The following RPGR variants were observed in gnomAD, a reference collection of about 807,000 sequenced individuals.
RPGR encodes the protein X-linked retinitis pigmentosa GTPase regulator.
RPGR carries 10 observed loss-of-function variants against 56.3 expected under a neutral mutation model. That is an observed-to-expected ratio of 0.18 (90% CI 0.11 to 0.30). RPGR has a LOEUF of 0.30. Ranked by LOEUF, RPGR falls within the 10% of genes least tolerant of loss-of-function variation. The probability of loss-of-function intolerance (pLI) is 1.00; values close to 1 mark genes in which losing one functional copy is unlikely to be tolerated. For missense variants in RPGR, 538 were observed against 590.9 expected, an observed-to-expected ratio of 0.91 and a Z score of 0.93; for synonymous variants, 197 against 212.9, an observed-to-expected ratio of 0.93 and a Z score of 0.65.
intron 6 of RPGR, among the ~76,000 whole-genome samples, chrX:38,316,299 A>AG (rs34282277): frequency 0.2 from 22,376 of 110,448 alleles, 1,777 homozygotes; most frequent in African/African-American, 0.27. Flanking sequence ...AATTAAAAAA[A>AG]GGCATAAAAA....
chrX:38,304,496 G>A (rs888978146), intron 8 of RPGR, 139 bp downstream of exon 8: 3 of 482,492 alleles, frequency 6.2e-6, no homozygotes, highest in Non-Finnish European at 1.1e-5. Flanking sequence ...TTATACTTTG[G>A]AATAGTAAAC....
chrX:38,288,609 G>C (rs1330025480), intron 13 of RPGR, among the ~76,000 whole-genome samples: 5 of 110,965 alleles, frequency 4.5e-5, no homozygotes, highest in African/African-American at 1.6e-4. Context: ...GGAGGCTGAG[G>C]CAGGAGAATT....
In RPGR at chrX:38,275,028, T is replaced by C. The variant is rs1476462680; in HGVS notation, c.2149+61A>G. ...TATAATTACCCAATTATGGCATACA[T>C]ACACATATATATGTGTGTATGTATG... On this transcript the variant is annotated intron_variant, in intron 17 of 18. Coordinates refer to ENST00000642395, the MANE Select transcript of RPGR (RefSeq NM_000328.3). 2.9e-5 allele frequency: 27 copies of C among 923,983 alleles called. No individual in the cohort carries two copies. In the East Asian group the frequency reaches 6.8e-4, roughly 23 times the overall value. 76.1% of individuals were successfully genotyped at this position (923,983 alleles called of 1,213,427 possible).
intron 18 of RPGR, among the ~76,000 whole-genome samples, chrX:38,270,944 A>C (rs1253076005): frequency 8.9e-6 from 1 of 111,989 alleles, no homozygotes; most frequent in Non-Finnish European, 1.9e-5. Flanking sequence ...AGAGAAAAAT[A>C]CATCAAGAAG....
intron 16 of RPGR, among the ~76,000 whole-genome samples, chrX:38,275,634 A>G (rs2066920735): frequency 8.9e-6 from 1 of 111,952 alleles, no homozygotes; most frequent in South Asian, 3.7e-4. Flanking sequence ...AATGACCTTT[A>G]CCACAATACC....
intron 1 of RPGR, among the ~76,000 whole-genome samples, chrX:38,324,514 G>A (rs1188254100): frequency 2.7e-5 from 3 of 109,781 alleles, no homozygotes; most frequent in African/African-American, 1.0e-4. Context: ...TCGAACTAAG[G>A]GAAAGCAGCT....
chrX:38,310,885 T>C (rs1252797986), intron 6 of RPGR, 112 bp from the exon 7 acceptor site: 3 of 615,308 alleles, frequency 4.9e-6, no homozygotes, highest in Non-Finnish European at 7.9e-6. Context: ...TGACCTTTCT[T>C]GAGATATTTT....
chrX:38,308,608 T>C (rs913230180), intron 7 of RPGR, among the ~76,000 whole-genome samples: 1 of 111,885 alleles, frequency 8.9e-6, no homozygotes, highest in Non-Finnish European at 1.9e-5. Context: ...AGAGAAAATA[T>C]ATAACACATA....
At chrX:38,323,350 T>C (rs768508868) in intron 2 of RPGR, 49 bp downstream of exon 2, 4 of 1,092,634 alleles carry the variant, frequency 3.7e-6, no homozygotes, top group South Asian at 3.9e-5. Context: ...AACAAAATAT[T>C]TAGAATTTTC....
At chrX:38,307,124 A>G (rs2067619813) in intron 7 of RPGR, among the ~76,000 whole-genome samples, 1 of 112,335 alleles carries the variant, frequency 8.9e-6, no homozygotes, top group African/African-American at 3.2e-5. Flanking sequence ...AGAAGTTAAG[A>G]TAAATTCTCA....
At chrX:38,271,334 G>T (rs989796481) in intron 18 of RPGR, among the ~76,000 whole-genome samples, 1 of 111,758 alleles carries the variant, frequency 8.9e-6, no homozygotes, top group Non-Finnish European at 1.9e-5. Flanking sequence ...AAAATACCAA[G>T]AAATGCTGAT....
chrX:38,320,640 A>AAC lies in RPGR; in HGVS notation c.310+385_310+386dup, dbSNP rs72350829. 9.8e-4 allele frequency among the ~76,000 whole-genome samples: 107 copies of AAC among 108,943 alleles called. 2 individuals are homozygous for AAC. The Middle Eastern group carries it at 0.014, about 14-fold the overall frequency. The allele number at this position is 108,943 out of a possible 115,157, so 94.6% of individuals were successfully genotyped here. A position where few individuals can be genotyped will look rare whatever the true frequency, so the allele number is the denominator to read the frequency against. ...CAGAAGCACTTTGTTAATTTCTACA[A>AAC]ACACACACACACACACACAAAAGCT... On this transcript the variant is annotated intron_variant, in intron 4 of 18. Coordinates refer to ENST00000642395, the MANE Select transcript of RPGR (RefSeq NM_000328.3).
At chrX:38,295,030 T>A (rs2067350517) in intron 11 of RPGR, among the ~76,000 whole-genome samples, 1 of 112,173 alleles carries the variant, frequency 8.9e-6, no homozygotes, top group Non-Finnish European at 1.9e-5. Flanking sequence ...TAAAATCTTT[T>A]AATGACTTTC....
At chrX:38,317,011 G>A (rs1056645443) in intron 6 of RPGR, among the ~76,000 whole-genome samples, 1 of 111,129 alleles carries the variant, frequency 9.0e-6, no homozygotes, top group African/African-American at 3.3e-5. Context: ...GACAGAAAAG[G>A]TTGCCAGTGG....
At chrX:38,283,206 C>T (rs747119319) in intron 15 of RPGR, among the ~76,000 whole-genome samples, 13 of 111,458 alleles carry the variant, frequency 1.2e-4, no homozygotes, top group Non-Finnish European at 2.1e-4. Context: ...ACTAGACCTG[C>T]CACATGTGAT....
Position 38,315,870 on chromosome X carries a change from A to T in RPGR, c.619+1446T>A, listed in dbSNP as rs190801108. Among the ~76,000 whole-genome samples, 653 of 105,772 alleles carry T rather than the reference A, an allele frequency of 6.2e-3. 6 individuals are homozygous for T. Among genetic ancestry groups the T allele is most frequent in the Middle Eastern group, 0.025 (5 of 203 alleles). 91.9% of individuals were successfully genotyped at this position (105,772 alleles called of 115,157 possible). On this transcript the variant is annotated intron_variant, in intron 6 of 18. Coordinates refer to ENST00000642395, the MANE Select transcript of RPGR (RefSeq NM_000328.3). ...AGAGAGAGAGAGAGAGTACCCACTA[A>T]ACATATATCTGTAGTACCCACTATA...
rs1042527309 is a variant in RPGR at position 38,323,009 on chromosome X, C to A, written c.155-64G>T. The A allele has an allele frequency of 3.6e-6, 3 of 824,670 alleles. No homozygotes were observed. In the Admixed American group the frequency reaches 6.7e-5, roughly 18 times the overall value. The allele number at this position is 824,670 out of a possible 1,213,427, so 68.0% of individuals were successfully genotyped here. On this transcript the variant is annotated intron_variant, in intron 2 of 18. Coordinates refer to ENST00000642395, the MANE Select transcript of RPGR (RefSeq NM_000328.3). The stretch of plus-strand genomic sequence containing the variant: ...TTTCACATAATGTAAGATGAGGTCA[C>A]CACAAAGCAATAAAAAGCTATACTT...
At chrX:38,274,536 C>T (rs960921528) in intron 17 of RPGR, among the ~76,000 whole-genome samples, 3 of 112,344 alleles carry the variant, frequency 2.7e-5, no homozygotes, top group African/African-American at 6.5e-5. Flanking sequence ...TAACACCAGC[C>T]GGGTGTGGTG....
chrX:38,298,286 C>T (rs867666809), intron 10 of RPGR: 140 of 247,160 alleles, frequency 5.7e-4, no homozygotes, highest in African/African-American at 2.8e-3. Context: ...AAAAAAAACA[C>T]ATATATATAT....
Sources: gnomAD v4.1 joint callset for allele counts (sites outside exome capture counted in the v4.1 genomes callset) on GRCh38, gnomAD v4.1.1 for gene constraint, MANE v1.5 for transcripts, NCBI Gene and HGNC (gene_info 2026-07-23, HGNC 2026-07-21) for gene names.